The following L3MBTL4 variants were observed in gnomAD, a reference collection of about 807,000 sequenced individuals.
L3MBTL4 encodes the protein L3MBTL histone methyl-lysine binding protein 4.
A neutral mutation model predicts 84.5 loss-of-function variants in L3MBTL4; 70 were observed. The ratio of observed to expected loss-of-function variants is 0.83; its 90% CI spans 0.68 to 1.01. The LOEUF (loss-of-function observed/expected upper bound fraction) is 1.01. Ranked by LOEUF, L3MBTL4 falls within the 50% of genes least tolerant of loss-of-function variation. The pLI, the probability that L3MBTL4 is intolerant of heterozygous loss-of-function variation, is 0.00. For missense variants in L3MBTL4, 715 were observed against 754.8 expected (o/e 0.95, Z 0.62); for synonymous variants, 274 against 259.8 (o/e 1.05, Z -0.52).
intron 12 of L3MBTL4, among the ~76,000 whole-genome samples, chr18:6,176,666 A>G (rs1164112838): frequency 1.3e-5 from 2 of 152,242 alleles, no homozygotes; most frequent in African/African-American, 2.4e-5. Context: ...ATTAGCACAC[A>G]GAAGGCACTA....
chr18:6,367,412 C>T (rs1026938007), intron 1 of L3MBTL4: 4 of 152,192 alleles, frequency 2.6e-5, no homozygotes, highest in Non-Finnish European at 5.9e-5. Context: ...TGAGAACAGG[C>T]TTCCCACCAA....
At chr18:6,026,127 T>C (rs2055494326) in intron 16 of L3MBTL4, among the ~76,000 whole-genome samples, 1 of 152,236 alleles carries the variant, frequency 6.6e-6, no homozygotes, top group Non-Finnish European at 1.5e-5. Flanking sequence ...ATTGATTCTT[T>C]CTACAATGAA....
intron 14 of L3MBTL4, among the ~76,000 whole-genome samples, chr18:6,099,885 G>A (rs990652380): frequency 9.2e-5 from 14 of 151,894 alleles, no homozygotes; most frequent in Non-Finnish European, 4.4e-5. Flanking sequence ...GACTCAATGA[G>A]TTCAAAGAGT....
At chr18:6,396,076 T>G (rs2055257570) in intron 1 of L3MBTL4, 1 of 152,228 alleles carries the variant, frequency 6.6e-6, no homozygotes, top group Non-Finnish European at 1.5e-5. Context: ...AATGCTATTT[T>G]AATCTTATTA....
At chr18:6,253,251 C>A (rs2048004135) in intron 5 of L3MBTL4, among the ~76,000 whole-genome samples, 1 of 152,264 alleles carries the variant, frequency 6.6e-6, no homozygotes, top group South Asian at 2.1e-4. Flanking sequence ...CTATGACAAT[C>A]CCCATTTCAC....
intron 16 of L3MBTL4, among the ~76,000 whole-genome samples, chr18:6,079,430 C>T (rs894872067): frequency 6.6e-6 from 1 of 152,174 alleles, no homozygotes; most frequent in Admixed American, 6.5e-5. Context: ...TTAAAGAGCA[C>T]AGTAAATGCA....
intron 1 of L3MBTL4, among the ~76,000 whole-genome samples, chr18:6,383,148 G>C (rs947953818): frequency 1.3e-5 from 2 of 152,074 alleles, no homozygotes; most frequent in Non-Finnish European, 2.9e-5. Context: ...AGCAATGGTG[G>C]ACGCCCCTCC....
chr18:6,120,646 G>C (rs1202225419), intron 14 of L3MBTL4, among the ~76,000 whole-genome samples: 2 of 152,084 alleles, frequency 1.3e-5, no homozygotes, highest in Admixed American at 6.6e-5. Context: ...CTCCCTGTAG[G>C]GGTAATTACC....
chr18:6,047,528 C>T (rs1778254282), intron 16 of L3MBTL4, among the ~76,000 whole-genome samples: 1 of 152,148 alleles, frequency 6.6e-6, no homozygotes, highest in African/African-American at 2.4e-5. Context: ...CTGAATCCAG[C>T]AATACATCAA....
chr18:6,260,611 A>C (rs1394405295), intron 5 of L3MBTL4: 1 of 152,300 alleles, frequency 6.6e-6, no homozygotes, highest in African/African-American at 2.4e-5. Context: ...TAGAAATGCT[A>C]CTGACTTTTG....
Position 6,344,956 on chromosome 18 carries a change from T to C in L3MBTL4, c.-90-32900A>G, listed in dbSNP as rs144861196. ...AGGAACAAAATAAAGATGCCCACTC[T>C]CGACATGGTACTAGAAGTCCTAGTC... On this transcript the variant is annotated intron_variant, in intron 1 of 18. Coordinates refer to ENST00000317931, the MANE Select transcript of L3MBTL4 (RefSeq NM_001330559.2). 1.4e-3 allele frequency among the ~76,000 whole-genome samples: 214 copies of C among 152,202 alleles called. 1 individual carries two copies. Among genetic ancestry groups the C allele is most frequent in the Non-Finnish European group, 2.4e-3 (162 of 68,000 alleles).
At chr18:6,365,423 A>T (rs1425153251) in intron 1 of L3MBTL4, among the ~76,000 whole-genome samples, 1 of 152,248 alleles carries the variant, frequency 6.6e-6, no homozygotes, top group East Asian at 1.9e-4. Flanking sequence ...ATTGCACATG[A>T]TAATGCTCTA....
intron 1 of L3MBTL4, among the ~76,000 whole-genome samples, chr18:6,403,744 G>C (rs888886418): frequency 1.8e-4 from 27 of 152,146 alleles, no homozygotes; most frequent in African/African-American, 6.3e-4. Flanking sequence ...TCCCACTACT[G>C]GGTATCTAGC....
intron 14 of L3MBTL4, among the ~76,000 whole-genome samples, chr18:6,102,673 T>C (rs2143893409): frequency 6.6e-6 from 1 of 152,298 alleles, no homozygotes; most frequent in Admixed American, 6.5e-5. Context: ...CTAGAGCACA[T>C]GGCAAGAAGA....
intron 13 of L3MBTL4, among the ~76,000 whole-genome samples, chr18:6,167,149 G>A (rs1282219480): frequency 6.6e-6 from 1 of 152,162 alleles, no homozygotes; most frequent in South Asian, 2.1e-4. Flanking sequence ...TCTCTGAATA[G>A]ATCAATAACA....
intron 1 of L3MBTL4, among the ~76,000 whole-genome samples, chr18:6,392,329 A>T (rs2055089869): frequency 6.6e-6 from 1 of 152,224 alleles, no homozygotes; most frequent in Admixed American, 6.5e-5. Context: ...TGGGTGGATC[A>T]CTTGAGATCG....
intron 16 of L3MBTL4, among the ~76,000 whole-genome samples, chr18:5,987,070 C>T (rs370680694): frequency 6.6e-6 from 1 of 152,204 alleles, no homozygotes; most frequent in East Asian, 1.9e-4. Flanking sequence ...CTTGCTGCTT[C>T]GCTGACCCTG....
In L3MBTL4 at chr18:6,141,401, A is replaced by G. The variant is rs1023267389; in HGVS notation, c.1097-3105T>C. 2.0e-5 allele frequency among the ~76,000 whole-genome samples: 3 copies of G among 152,176 alleles called. No individual in the cohort carries two copies. The South Asian group carries it at 6.2e-4, about 32-fold the overall frequency. On this transcript the variant is annotated intron_variant, in intron 13 of 18. Coordinates refer to ENST00000317931, the MANE Select transcript of L3MBTL4 (RefSeq NM_001330559.2). Reference sequence around the variant, plus strand: ...GATGCTCACAGTCTACAGCCCAGGCATTCTTGAAGTTCCAGACCAATGTAT... The same window carrying G: ...GATGCTCACAGTCTACAGCCCAGGCGTTCTTGAAGTTCCAGACCAATGTAT...
At chr18:5,992,546 T>G (rs1177890360) in intron 16 of L3MBTL4, among the ~76,000 whole-genome samples, 2 of 152,168 alleles carry the variant, frequency 1.3e-5, no homozygotes, top group African/African-American at 4.8e-5. Context: ...CCAAATCTCA[T>G]GCTGAAATAT....
Sources: gnomAD v4.1 joint callset for allele counts (sites outside exome capture counted in the v4.1 genomes callset) on GRCh38, gnomAD v4.1.1 for gene constraint, MANE v1.5 for transcripts, NCBI Gene and HGNC (gene_info 2026-07-23, HGNC 2026-07-21) for gene names.